Variants in LPCAT3 observed in about 807,000 individuals in gnomAD.
LPCAT3 encodes the protein lysophosphatidylcholine acyltransferase 3, also known as lysophospholipid acyltransferase 5.
LPCAT3 carries 21 observed loss-of-function variants against 63.4 expected under a neutral mutation model. The ratio of observed to expected loss-of-function variants is 0.33; its 90% CI spans 0.23 to 0.48. LPCAT3 has a LOEUF of 0.48. LPCAT3 is among the 20% of genes least tolerant of loss of function. The pLI, the probability that LPCAT3 is intolerant of heterozygous loss-of-function variation, is 0.99. For missense variants in LPCAT3, 451 were observed against 590.6 expected (o/e 0.76, Z 2.45); for synonymous variants, 242 against 227.5 (o/e 1.06, Z -0.58).
At chr12:7,010,566 C>A (rs1946755261) in intron 1 of LPCAT3, among the ~76,000 whole-genome samples, 1 of 152,202 alleles carries the variant, frequency 6.6e-6, no homozygotes, top group Non-Finnish European at 1.5e-5. Context: ...CAGACACATG[C>A]TACCATGCCC....
chr12:7,007,450 A>ACAT (rs149099522), intron 1 of LPCAT3, among the ~76,000 whole-genome samples: 2,099 of 151,936 alleles, frequency 0.014, 45 homozygotes, highest in African/African-American at 0.049. Context: ...TGCCATAGCA[A>ACAT]CATGAATACT....
intron 1 of LPCAT3, among the ~76,000 whole-genome samples, chr12:6,998,412 A>G (rs1450706167): frequency 1.3e-5 from 2 of 152,232 alleles, no homozygotes; most frequent in East Asian, 3.8e-4. Flanking sequence ...CAGCTGGATC[A>G]GTCTTACTTA....
chr12:7,015,792 T>A (rs1946793899), intron 1 of LPCAT3, among the ~76,000 whole-genome samples: 2 of 152,112 alleles, frequency 1.3e-5, no homozygotes, highest in South Asian at 4.1e-4. Flanking sequence ...ATTACTTTGA[T>A]GATTGGTGGT....
intron 1 of LPCAT3, among the ~76,000 whole-genome samples, chr12:7,014,712 T>C (rs1250701449): frequency 1.3e-5 from 2 of 151,940 alleles, no homozygotes; most frequent in African/African-American, 2.4e-5. Flanking sequence ...CTAGCCAACA[T>C]GGTGAAACCC....
chr12:6,977,342 G>A lies in LPCAT3; in HGVS notation c.1347+25C>T. 6.2e-7 allele frequency: 1 copy of A among 1,613,912 alleles called. No individual in the cohort carries two copies. The highest frequency in any genetic ancestry group is 8.5e-7 in the Non-Finnish European group (1 of 1,179,776). The stretch of plus-strand genomic sequence containing the variant: ...TTGAGGTTGCAGTGAGTCCCTCCCA[G>A]TCTCACAAGCAGGCCTTCACTTGCC... On this transcript the variant is annotated intron_variant, in intron 11 of 12. Transcript: ENST00000261407. The surrounding 1 kb of genome is among the most constrained non-coding windows in gnomAD (Gnocchi z 4.5).
chr12:7,003,694 G>A (rs1946705633), intron 1 of LPCAT3, among the ~76,000 whole-genome samples: 1 of 151,236 alleles, frequency 6.6e-6, no homozygotes, highest in African/African-American at 2.4e-5. Flanking sequence ...AGGCCGAGGC[G>A]GGTGGATCAT....
chr12:6,992,125 G>A (rs1946595082), intron 1 of LPCAT3, among the ~76,000 whole-genome samples: 1 of 151,954 alleles, frequency 6.6e-6, no homozygotes, highest in African/African-American at 2.4e-5. Context: ...ACAATATTTA[G>A]CCTGGGCGAC....
At chr12:7,001,729 C>A (rs1216363959) in intron 1 of LPCAT3, among the ~76,000 whole-genome samples, 2 of 152,116 alleles carry the variant, frequency 1.3e-5, no homozygotes, top group African/African-American at 4.8e-5. Flanking sequence ...TACACTGTCA[C>A]CCCTAGTTTA....
In LPCAT3 at chr12:7,017,161, CT is replaced by C. The variant is rs1946802085; in HGVS notation, c.151+1112del. 6.6e-6 allele frequency among the ~76,000 whole-genome samples: 1 copy of C among 152,222 alleles called. No individual in the cohort carries two copies. The highest frequency in any genetic ancestry group is 1.5e-5 in the Non-Finnish European group (1 of 68,026). On this transcript the variant is annotated intron_variant, in intron 1 of 12. Transcript: ENST00000261407. The surrounding 1 kb of genome is among the most constrained non-coding windows in gnomAD (Gnocchi z 4.1). ...TGGTTCAGACCTCTAACCCTCTGCT[CT>C]AGCCCCAGTCCTGTTTCCTTATCAC...
chr12:6,977,821 CCCT>C lies in LPCAT3; in HGVS notation c.1041-79_1041-77del. 6.4e-7 allele frequency: 1 copy of C among 1,569,688 alleles called. No homozygotes were observed. The highest frequency in any genetic ancestry group is 1.3e-5 in the African/African-American group (1 of 74,234). On this transcript the variant is annotated intron_variant, in intron 9 of 12. Transcript: ENST00000261407. The surrounding 1 kb of genome is among the most constrained non-coding windows in gnomAD (Gnocchi z 4.5). ...CCCGCCACCTGCCTCTGGGTCCTCA[CCCT>C]GAGGATTGGATTGGAGTGCTGGTGG...
intron 6 of LPCAT3, 88 bp from the exon 7 acceptor site, chr12:6,979,667 T>C: frequency 1.1e-6 from 1 of 901,834 alleles, no homozygotes; most frequent in East Asian, 2.5e-5. Flanking sequence ...GAGGAGTGTT[T>C]AGGGGTGTGG....
rs1357933405 is a variant in LPCAT3, at chr12:7,017,526, G to A, written c.151+748C>T. 6.6e-6 allele frequency among the ~76,000 whole-genome samples: 1 copy of A among 152,062 alleles called. No individual in the cohort carries two copies. The highest frequency in any genetic ancestry group is 1.5e-5 in the Non-Finnish European group (1 of 68,028). On this transcript the variant is annotated intron_variant, in intron 1 of 12. Coordinates refer to ENST00000261407, the MANE Select transcript of LPCAT3 (RefSeq NM_005768.6). The surrounding 1 kb of genome is among the most constrained non-coding windows in gnomAD (Gnocchi z 4.1). ...GTATTAAACCATGGAGTGAGGATGC[G>A]GTAAAAAAGCCTATAAACCAGTTGT...
At chr12:6,978,767 T>G in intron 7 of LPCAT3, 78 bp from the exon 8 acceptor site, 1 of 1,574,168 alleles carries the variant, frequency 6.4e-7, no homozygotes, top group Non-Finnish European at 8.6e-7. Context: ...CTTTTCACAC[T>G]TGTGGCTGGC....
At position 7,001,631 on chromosome 12, in the gene LPCAT3, C is replaced by T. The variant is rs113763750; in HGVS notation, c.151+16643G>A. On this transcript the variant is annotated intron_variant, in intron 1 of 12. Transcript: ENST00000261407. ...GGGGCTGACAGGTAGGCAGAGTTGG[C>T]TGGGATGTGAGGTGCAAGGGGTGGT... is the stretch of plus-strand genomic sequence containing the variant. 1.1e-3 allele frequency: 431 copies of T among 407,642 alleles called. 3 individuals carry two copies. The highest frequency in any genetic ancestry group is 7.7e-3 in the African/African-American group (375 of 48,390). The allele number at this position is 407,642 out of a possible 1,614,324, so 25.3% of individuals were successfully genotyped here.
In LPCAT3 at chr12:6,989,943, CG is replaced by C. The variant is rs782350458; in HGVS notation, c.152-6405del. ...ATCCCAGTGCTTTGGGAGGCTGAGA[CG>C]GGAGAATCACTGGAACCCAGGAGTT... On this transcript the variant is annotated intron_variant, in intron 1 of 12. Transcript: ENST00000261407. 3.3e-5 allele frequency among the ~76,000 whole-genome samples: 5 copies of C among 151,782 alleles called. No individual in the cohort carries two copies. In the East Asian group the frequency reaches 9.7e-4, roughly 30 times the overall value.
chr12:6,980,756 G>A, intron 6 of LPCAT3: 1 of 341,952 alleles, frequency 2.9e-6, no homozygotes, highest in Non-Finnish European at 5.3e-6. Flanking sequence ...AAATGTGACT[G>A]GTTCAGGCAA....
rs1291168897 is a variant in LPCAT3 at position 6,982,873 on chromosome 12, T to C, written c.260-91A>G. The C allele has an allele frequency of 3.2e-5, 25 of 789,720 alleles. No individual in the cohort carries two copies. In the South Asian group the frequency reaches 3.7e-4, roughly 12 times the overall value. 48.9% of individuals were successfully genotyped at this position (789,720 alleles called of 1,614,324 possible). On this transcript the variant is annotated intron_variant, in intron 2 of 12. Transcript: ENST00000261407. ...CAACGTAATATATAAAGAAAAAATG[T>C]TGGCATCAGGATCTTTTTTTTCAGA...
intron 1 of LPCAT3, among the ~76,000 whole-genome samples, chr12:6,990,388 A>G (rs1555155340): frequency 6.7e-6 from 1 of 150,116 alleles, no homozygotes; most frequent in Non-Finnish European, 1.5e-5. Context: ...GGGCACCTGT[A>G]GCCCCAGCTA....
At chr12:7,002,683 C>T (rs987976327) in intron 1 of LPCAT3, among the ~76,000 whole-genome samples, 2 of 152,146 alleles carry the variant, frequency 1.3e-5, no homozygotes, top group African/African-American at 4.8e-5. Flanking sequence ...CTTTTTATAT[C>T]CCTTCAAAAG....
Sources: gnomAD v4.1 joint callset for allele counts (sites outside exome capture counted in the v4.1 genomes callset) on GRCh38, gnomAD v4.1.1 for gene constraint, Gnocchi (gnomAD v3.1) non-coding constraint, MANE v1.5 for transcripts, NCBI Gene and HGNC (gene_info 2026-07-23, HGNC 2026-07-21) for gene names.